CUBN: variants seen among roughly 807,000 people sequenced by gnomAD.
CUBN encodes the protein cubilin.
A neutral mutation model predicts 405.3 loss-of-function variants in CUBN; 282 were observed. That is an observed-to-expected ratio of 0.70 (90% CI 0.63 to 0.77). The LOEUF (loss-of-function observed/expected upper bound fraction) is 0.77, where lower values mean the gene tolerates loss of function less well. Ranked by LOEUF, CUBN falls within the 30% of genes least tolerant of loss-of-function variation. The pLI is 0.00. For missense variants in CUBN, 4,514 were observed against 4,475.2 expected, an observed-to-expected ratio of 1.01 and a Z score of -0.25; for synonymous variants, 1,684 against 1,617.0, an observed-to-expected ratio of 1.04 and a Z score of -0.99.
chr10:16,928,184 C>A lies in CUBN; in HGVS notation c.6244G>T (p.Ala2082Ser). Reference protein sequence around the residue: ...RFTSDSSVTRAGFNASFHKSC... With the variant: ...RFTSDSSVTRSGFNASFHKSC... ...TTGTGAAAGGATGCATTGAAGCCTGCCCTGGTTACACTGGAGTCCGAGGTG... is the reference window on the plus strand; with the variant it reads ...TTGTGAAAGGATGCATTGAAGCCTGACCTGGTTACACTGGAGTCCGAGGTG... The change falls in exon 41 of 67, where the codon GCA becomes TCA. Residue 2082 changes from alanine (A) to serine (S), a missense_variant. Around this residue, in one of 5 missense-constraint regions of CUBN, gnomAD observed 1,613 missense variants for 1,542.8 expected, o/e 1.05. Coordinates refer to ENST00000377833, the MANE Select transcript of CUBN (RefSeq NM_001081.4). The A allele has an allele frequency of 1.2e-6, 2 of 1,613,876 alleles. No homozygotes were observed.
At chr10:16,985,141 G>A (rs999741375) in intron 29 of CUBN, among the ~76,000 whole-genome samples, 5 of 152,342 alleles carry the variant, frequency 3.3e-5, no homozygotes, top group African/African-American at 1.2e-4. Context: ...AACGGGAACA[G>A]GCATTCTTGT....
chr10:17,109,347 G>A (rs982091894), intron 10 of CUBN, among the ~76,000 whole-genome samples: 9 of 152,212 alleles, frequency 5.9e-5, no homozygotes, highest in African/African-American at 1.4e-4. Context: ...TCCTTCAAAA[G>A]AAGGTGGCAT....
Position 16,985,133 on chromosome 10 carries a change from C to T in CUBN, c.4351-854G>A, listed in dbSNP as rs575604765. Among the ~76,000 whole-genome samples the T allele has an allele frequency of 3.3e-5, 5 of 152,354 alleles. No homozygotes were observed. The South Asian group carries it at 1.0e-3, about 32-fold the overall frequency. The stretch of plus-strand genomic sequence containing the variant: ...AAGCCTGGAAACCCACGGCCCTAAA[C>T]GGGAACAGGCATTCTTGTTTCCACA... On this transcript the variant is annotated intron_variant, in intron 29 of 66. Transcript: ENST00000377833.
chr10:16,932,901 G>A (rs551771592), intron 40 of CUBN, among the ~76,000 whole-genome samples, 186 bp downstream of exon 40: 39 of 152,196 alleles, frequency 2.6e-4, no homozygotes, highest in African/African-American at 6.0e-4. Context: ...TTCTGTGACC[G>A]GTAATTTAAT....
At chr10:17,027,415 C>T (rs1304705624) in intron 27 of CUBN, among the ~76,000 whole-genome samples, 1 of 152,022 alleles carries the variant, frequency 6.6e-6, no homozygotes, top group Non-Finnish European at 1.5e-5. Context: ...GAATAATCTC[C>T]TTCGAATATT....
At chr10:16,908,330 A>G (rs1191445657) in intron 48 of CUBN, among the ~76,000 whole-genome samples, 2 of 151,962 alleles carry the variant, frequency 1.3e-5, no homozygotes, top group Non-Finnish European at 2.9e-5. Context: ...TTTTTAGTAG[A>G]GATGGGGTTT....
chr10:16,878,114 C>T (rs1840564725), intron 56 of CUBN, among the ~76,000 whole-genome samples: 1 of 152,154 alleles, frequency 6.6e-6, no homozygotes, highest in Non-Finnish European at 1.5e-5. Flanking sequence ...ACGGCAAAAC[C>T]CTGTCTCTAC....
At chr10:17,046,960 A>G (rs1173486824) in intron 23 of CUBN, among the ~76,000 whole-genome samples, 1 of 152,194 alleles carries the variant, frequency 6.6e-6, no homozygotes, top group Non-Finnish European at 1.5e-5. Flanking sequence ...ACTGAAATTC[A>G]CAAGCCTAGA....
intron 59 of CUBN, among the ~76,000 whole-genome samples, chr10:16,864,401 T>A (rs566837151): frequency 4.5e-4 from 68 of 151,848 alleles, no homozygotes; most frequent in African/African-American, 1.5e-3. Context: ...GGCGGGGGGC[T>A]TGAAAATTTG....
chr10:16,959,699 T>A lies in CUBN; in HGVS notation c.4696-5151A>T, dbSNP rs148896543. On this transcript the variant is annotated intron_variant, in intron 31 of 66. Transcript: ENST00000377833. ...TTATAAAATTCCACAAGAAAAGCACTTCAAGGAAGAAAATATGAGAAACCT... is the reference window on the plus strand; with the variant it reads ...TTATAAAATTCCACAAGAAAAGCACATCAAGGAAGAAAATATGAGAAACCT... 3.1e-3 allele frequency among the ~76,000 whole-genome samples: 465 copies of A among 152,060 alleles called. 2 individuals are homozygous for A. Among genetic ancestry groups the A allele is most frequent in the Non-Finnish European group, 4.0e-3 (275 of 67,978 alleles).
At chr10:17,057,072 C>CTT (rs772628442) in intron 22 of CUBN, among the ~76,000 whole-genome samples, 1 of 152,234 alleles carries the variant, frequency 6.6e-6, no homozygotes, top group Non-Finnish European at 1.5e-5. Flanking sequence ...AAAAGAACTG[C>CTT]TGCAAGGCAG....
At chr10:17,030,682 G>A (rs903258832) in intron 27 of CUBN, among the ~76,000 whole-genome samples, 7 of 152,184 alleles carry the variant, frequency 4.6e-5, no homozygotes, top group East Asian at 1.9e-4. Context: ...ACTTTGGGAA[G>A]CCGAGGTGTG....
chr10:16,913,758 G>C (rs1417457191), intron 48 of CUBN, 53 bp downstream of exon 48: 54 of 1,604,254 alleles, frequency 3.4e-5, no homozygotes, highest in Non-Finnish European at 4.4e-5. Flanking sequence ...TTATGGGTCG[G>C]TAAACTCTTT....
At chr10:17,045,866 G>T in intron 24 of CUBN, 68 bp downstream of exon 24, 2 of 1,511,276 alleles carry the variant, frequency 1.3e-6, no homozygotes, top group South Asian at 1.1e-5. Flanking sequence ...GACAGAGCAT[G>T]ACAATCCCAG....
rs932757613 is a variant in CUBN, at chr10:16,828,732, A to T, written c.10764+73T>A. ...AGCGAGATTCCATCTTAAAAAAAAA[A>T]AAAGTCTACACTAAGTGACTCATTA... On this transcript the variant is annotated intron_variant, in intron 66 of 66. Transcript: ENST00000377833. 39 of 1,253,276 alleles carry T rather than the reference A, an allele frequency of 3.1e-5. No individual in the cohort carries two copies. The African/African-American group carries it at 4.2e-4, about 13-fold the overall frequency. 77.6% of individuals were successfully genotyped at this position (1,253,276 alleles called of 1,614,324 possible). A position where few individuals can be genotyped will look rare whatever the true frequency, so the allele number is the denominator to read the frequency against.
intron 32 of CUBN, 78 bp downstream of exon 32, chr10:16,954,311 C>T (rs1225926981): frequency 6.6e-6 from 10 of 1,504,178 alleles, no homozygotes; most frequent in Non-Finnish European, 9.3e-6. Flanking sequence ...TTTCTGAGCA[C>T]AGGTCTCATT....
At chr10:17,026,165 A>C (rs1265717451) in intron 27 of CUBN, among the ~76,000 whole-genome samples, 2 of 152,298 alleles carry the variant, frequency 1.3e-5, no homozygotes. Context: ...CACCCCAAAC[A>C]ACCACCACAG....
At chr10:17,091,263 A>C (rs149259689) in intron 14 of CUBN, among the ~76,000 whole-genome samples, 1 of 152,344 alleles carries the variant, frequency 6.6e-6, no homozygotes, top group East Asian at 1.9e-4. Flanking sequence ...TCATTTTTAA[A>C]TGCCTAGAAT....
intron 22 of CUBN, among the ~76,000 whole-genome samples, chr10:17,051,516 G>A (rs926951057): frequency 1.3e-5 from 2 of 151,984 alleles, no homozygotes; most frequent in African/African-American, 4.8e-5. Flanking sequence ...AGACTTTAAA[G>A]CAGCCATTAA....
Sources: gnomAD v4.1 joint callset for allele counts (sites outside exome capture counted in the v4.1 genomes callset) on GRCh38, gnomAD v4.1.1 for gene constraint, gnomAD v4.1.1 regional missense constraint, MANE v1.5 for transcripts, NCBI Gene and HGNC (gene_info 2026-07-23, HGNC 2026-07-21) for gene names.